Variants in CDKL3 observed in about 807,000 individuals in gnomAD.
The protein encoded by CDKL3 is cyclin dependent kinase like 3.
Under a neutral mutation model 69.3 loss-of-function variants are expected in CDKL3, and 65 were observed. The observed-to-expected ratio is 0.94, with a 90% CI of 0.77 to 1.15. The LOEUF (loss-of-function observed/expected upper bound fraction) is 1.15. Ranked by LOEUF, CDKL3 falls within the 50% of genes most tolerant of loss-of-function variation. CDKL3 has a pLI of 0.00. For missense variants in CDKL3, 652 were observed against 689.2 expected, an observed-to-expected ratio of 0.95 and a Z score of 0.61; for synonymous variants, 202 against 221.6, an observed-to-expected ratio of 0.91 and a Z score of 0.79.
intron 6 of CDKL3, 40 bp downstream of exon 6, chr5:134,319,318 A>T: frequency 6.9e-7 from 1 of 1,439,688 alleles, no homozygotes; most frequent in African/African-American, 1.5e-5. Flanking sequence ...CGACAGAGCA[A>T]GACTCTGTCT....
At position 134,298,538 on chromosome 5, in the gene CDKL3, C is replaced by A; in HGVS notation, c.*113G>T. 2 of 1,475,922 alleles carry A rather than the reference C, an allele frequency of 1.4e-6. No homozygotes were observed. Among genetic ancestry groups the A allele is most frequent in the Non-Finnish European group, 1.8e-6 (2 of 1,116,752 alleles). 91.4% of individuals were successfully genotyped at this position (1,475,922 alleles called of 1,614,324 possible). On this transcript the variant is annotated 3_prime_UTR_variant, in exon 13 of 13. Coordinates refer to ENST00000265334, the MANE Select transcript of CDKL3 (RefSeq NM_001113575.2). ...CTAACAAAAAAAGCTGGATGATGCT[C>A]ATGCACATGGATGGCTGTCTTAACA...
At chr5:134,349,606 G>A (rs530695807) in intron 4 of CDKL3, among the ~76,000 whole-genome samples, 1 of 152,316 alleles carries the variant, frequency 6.6e-6, no homozygotes, top group South Asian at 2.1e-4. Context: ...GAATGTAGAG[G>A]CTAAAGATAA....
chr5:134,290,815 G>C (rs1326424528), intron 8 of CDKL3, among the ~76,000 whole-genome samples: 1 of 152,002 alleles, frequency 6.6e-6, no homozygotes, highest in Non-Finnish European at 1.5e-5. Context: ...GGGATTATAA[G>C]TGTGAGCCAC....
At position 134,345,476 on chromosome 5, in the gene CDKL3, G is replaced by A. The variant is rs139802163; in HGVS notation, c.539+4773C>T. On this transcript the variant is annotated intron_variant, in intron 4 of 12. Transcript: ENST00000265334. ...GAAAAGGCACCTTTCACTCGTGTCC[G>A]TGTGAAGAGACCACCAAACATGCTT... Among the ~76,000 whole-genome samples, 395 of 152,296 alleles carry A rather than the reference G, an allele frequency of 2.6e-3. 1 individual carries two copies. Among genetic ancestry groups the A allele is most frequent in the Admixed American group, 5.6e-3 (85 of 15,302 alleles).
chr5:134,353,265 G>C (rs1753756936), intron 3 of CDKL3, among the ~76,000 whole-genome samples: 1 of 152,064 alleles, frequency 6.6e-6, no homozygotes, highest in African/African-American at 2.4e-5. Flanking sequence ...AAAACTAAAA[G>C]CGTCTTCTTC....
At chr5:134,359,193 T>C (rs1755367968) in intron 3 of CDKL3, among the ~76,000 whole-genome samples, 1 of 151,960 alleles carries the variant, frequency 6.6e-6, no homozygotes, top group African/African-American at 2.4e-5. Context: ...CGAGATGTTT[T>C]AAGGAGAGGC....
chr5:134,350,053 T>C (rs368091292), intron 4 of CDKL3, among the ~76,000 whole-genome samples, 196 bp downstream of exon 4: 13 of 152,132 alleles, frequency 8.5e-5, no homozygotes, highest in East Asian at 3.9e-4. Flanking sequence ...CCAGGAGTGG[T>C]GGTGTGCACC....
At chr5:134,316,414 A>G (rs948577290) in intron 6 of CDKL3, among the ~76,000 whole-genome samples, 4 of 152,152 alleles carry the variant, frequency 2.6e-5, no homozygotes, top group Non-Finnish European at 5.9e-5. Flanking sequence ...CCTGGCCAAG[A>G]CAGTGAAACC....
upstream of CDKL3, chr5:134,367,331 A>C: frequency 7.1e-6 from 7 of 983,478 alleles, no homozygotes; most frequent in Non-Finnish European, 8.4e-6. Context: ...GCCTCCTCAC[A>C]AGGTTGCTTT....
Position 134,292,023 on chromosome 5 carries a change from T to C in CDKL3, c.*678-5464A>G, listed in dbSNP as rs148416185. Among the ~76,000 whole-genome samples the C allele has an allele frequency of 3.3e-3, 501 of 152,118 alleles. 1 individual carries two copies. The highest frequency in any genetic ancestry group is 0.011 in the African/African-American group (474 of 41,536). On this transcript the variant is annotated intron_variant and NMD_transcript_variant, in intron 8 of 8. Coordinates refer to the CDKL3 transcript ENST00000519312. The stretch of plus-strand genomic sequence containing the variant: ...AAAAGAGCAACAGACAAATCCACGA[T>C]TATAATTGAGGATTTCAACAGTCTT...
At chr5:134,361,592 T>C (rs1402576713) in intron 2 of CDKL3, among the ~76,000 whole-genome samples, 2 of 152,146 alleles carry the variant, frequency 1.3e-5, no homozygotes, top group South Asian at 2.1e-4. Context: ...AGCAATAGCA[T>C]ATTGACAGCA....
chr5:134,353,333 T>TA (rs1376506070), intron 3 of CDKL3, among the ~76,000 whole-genome samples: 1 of 152,030 alleles, frequency 6.6e-6, no homozygotes, highest in African/African-American at 2.4e-5. Flanking sequence ...AACCACCACT[T>TA]ACTCCATAAC....
chr5:134,304,713 G>T, intron 10 of CDKL3, 146 bp from the exon 11 acceptor site: 1 of 529,588 alleles, frequency 1.9e-6, no homozygotes, highest in Non-Finnish European at 3.1e-6. Context: ...GAACACTATT[G>T]AACATATCAA....
At chr5:134,369,425 GA>G (rs1758099415), upstream of CDKL3, among the ~76,000 whole-genome samples, 1 of 151,984 alleles carries the variant, frequency 6.6e-6, no homozygotes, top group Non-Finnish European at 1.5e-5. Context: ...AACAGGGAAA[GA>G]GGGGGTAGGA....
At chr5:134,325,186 A>G (rs1166606302) in intron 4 of CDKL3, among the ~76,000 whole-genome samples, 1 of 152,178 alleles carries the variant, frequency 6.6e-6, no homozygotes, top group Non-Finnish European at 1.5e-5. Flanking sequence ...TCATAAGTAA[A>G]TAAAGAAGAG....
At chr5:134,366,309 C>T (rs1427570302) in intron 2 of CDKL3, 50 bp downstream of exon 2, 6 of 1,346,098 alleles carry the variant, frequency 4.5e-6, no homozygotes, top group African/African-American at 3.0e-5. Flanking sequence ...TTTTTTATTC[C>T]ATAACAATTT....
At chr5:134,301,721 A>T (rs1479751054) in intron 12 of CDKL3, among the ~76,000 whole-genome samples, 4 of 152,046 alleles carry the variant, frequency 2.6e-5, no homozygotes, top group African/African-American at 9.7e-5. Flanking sequence ...CTCTACTAAA[A>T]ATATTTTTTA....
chr5:134,344,922 G>A (rs749508159), intron 4 of CDKL3, among the ~76,000 whole-genome samples: 5 of 152,054 alleles, frequency 3.3e-5, no homozygotes, highest in East Asian at 1.9e-4. Flanking sequence ...AAAATTAGCC[G>A]GGTGTGGTGC....
intron 4 of CDKL3, among the ~76,000 whole-genome samples, chr5:134,345,169 G>A (rs1228059470): frequency 1.3e-5 from 2 of 152,140 alleles, no homozygotes; most frequent in African/African-American, 4.8e-5. Flanking sequence ...TAGATAAAGG[G>A]TATGGGGTTT....
Sources: gnomAD v4.1 joint callset for allele counts (sites outside exome capture counted in the v4.1 genomes callset) on GRCh38, gnomAD v4.1.1 for gene constraint, MANE v1.5 for transcripts, NCBI Gene and HGNC (gene_info 2026-07-23, HGNC 2026-07-21) for gene names.